The following CACNA1B variants were observed in gnomAD, a reference collection of about 807,000 sequenced individuals.
The protein encoded by CACNA1B is calcium voltage-gated channel subunit alpha1 B.
Under a neutral mutation model 247.2 loss-of-function variants are expected in CACNA1B, and 70 were observed. The observed-to-expected ratio is 0.28, with a 90% CI of 0.23 to 0.35. The LOEUF (loss-of-function observed/expected upper bound fraction) is 0.35. Ranked by LOEUF, CACNA1B falls within the 10% of genes least tolerant of loss-of-function variation. The probability of loss-of-function intolerance (pLI) is 1.00; values close to 1 mark genes in which losing one functional copy is unlikely to be tolerated. For synonymous variants in CACNA1B, 1,231 were observed against 1,294.4 expected (o/e 0.95, Z 1.05); for missense variants, 2,367 against 3,197.4 (o/e 0.74, Z 6.26).
chr9:138,104,390 G>T (rs938801050), intron 38 of CACNA1B, among the ~76,000 whole-genome samples: 1 of 152,138 alleles, frequency 6.6e-6, no homozygotes, highest in Non-Finnish European at 1.5e-5. Flanking sequence ...GCCCCCCAAC[G>T]CCTGCCCTGT....
chr9:138,017,074 T>C, intron 18 of CACNA1B: 1 of 507,986 alleles, frequency 2.0e-6, no homozygotes, highest in Non-Finnish European at 3.9e-6. Flanking sequence ...TCAGTGTCAC[T>C]GGTTCTCTCA....
chr9:138,062,767 G>A (rs1959772755), intron 31 of CACNA1B, among the ~76,000 whole-genome samples: 1 of 152,222 alleles, frequency 6.6e-6, no homozygotes, highest in African/African-American at 2.4e-5. Context: ...GGGGTTGCTG[G>A]GTTTTGTGGC....
Position 138,010,326 on chromosome 9 carries a change from G to A in CACNA1B, c.2160+249G>A, listed in dbSNP as rs999686189. Among the ~76,000 whole-genome samples, 1 of 152,194 alleles carries A rather than the reference G, an allele frequency of 6.6e-6. No individual in the cohort carries two copies. The highest frequency in any genetic ancestry group is 6.5e-5 in the Admixed American group (1 of 15,292). On this transcript the variant is annotated intron_variant, in intron 17 of 46. Coordinates refer to ENST00000371372, the MANE Select transcript of CACNA1B (RefSeq NM_000718.4). This position sits in a 1 kb window ranked among gnomAD's most constrained non-coding sequence, Gnocchi z 5.3. ...CAGCACAGGGAAGAATGGCCTGAAC[G>A]GCAGGGTGTGCTGGGAGCAGGAGGG...
intron 20 of CACNA1B, among the ~76,000 whole-genome samples, chr9:138,029,459 A>G (rs937638467): frequency 6.6e-5 from 10 of 151,924 alleles, no homozygotes; most frequent in African/African-American, 2.4e-4. Flanking sequence ...GGTAAATTAT[A>G]TTTTCCTTAG....
intron 40 of CACNA1B, among the ~76,000 whole-genome samples, chr9:138,113,983 C>T (rs1390950914): frequency 4.1e-5 from 6 of 145,752 alleles, no homozygotes; most frequent in Non-Finnish European, 9.0e-5. Context: ...TTGTGGGAGA[C>T]GTGAGGGAGC....
At chr9:137,961,818 T>C (rs1162750455) in intron 10 of CACNA1B, among the ~76,000 whole-genome samples, 4 of 152,222 alleles carry the variant, frequency 2.6e-5, no homozygotes, top group Non-Finnish European at 5.9e-5. Context: ...TCAATGTTCA[T>C]CTAGGATATT....
In CACNA1B at chr9:137,972,288, A is replaced by G. The variant is rs968702369; in HGVS notation, c.1543+696A>G. On this transcript the variant is annotated intron_variant, in intron 11 of 46. Coordinates refer to ENST00000371372, the MANE Select transcript of CACNA1B (RefSeq NM_000718.4). ...AAACAGGATCAAAACCAAAGAGTCC[A>G]CCCATGTTTTATGTCCTTTCAGGTA... is the stretch of plus-strand genomic sequence containing the variant. Among the ~76,000 whole-genome samples, 6 of 150,372 alleles carry G rather than the reference A, an allele frequency of 4.0e-5. No individual in the cohort carries two copies. The South Asian group carries it at 1.3e-3, about 31-fold the overall frequency.
intron 6 of CACNA1B, among the ~76,000 whole-genome samples, chr9:137,935,107 T>C (rs988162180): frequency 6.6e-6 from 1 of 152,092 alleles, no homozygotes; most frequent in Non-Finnish European, 1.5e-5. Context: ...ATAAATTTTC[T>C]TTTTTTTCAT....
chr9:137,989,482 T>C (rs1958406883), intron 15 of CACNA1B, among the ~76,000 whole-genome samples: 1 of 152,184 alleles, frequency 6.6e-6, no homozygotes, highest in Non-Finnish European at 1.5e-5. Context: ...TGTGCTCAGA[T>C]GATCAAGCAG....
At chr9:138,112,335 C>T (rs993548973) in intron 39 of CACNA1B, 63 bp from the exon 40 acceptor site, 35 of 1,194,860 alleles carry the variant, frequency 2.9e-5, no homozygotes, top group Non-Finnish European at 3.7e-5. Context: ...GCCCCATTGG[C>T]GGCTGCAGGG....
At chr9:137,901,686 A>ATTTTTTTTTTTTTTTTTTTTTTTTTTT (rs57624388) in intron 3 of CACNA1B, among the ~76,000 whole-genome samples, 1 of 112,396 alleles carries the variant, frequency 8.9e-6, no homozygotes, top group Non-Finnish European at 1.8e-5. Flanking sequence ...TTTTTTTGTG[A>ATTTTTTTTTTTTTTTTTTTTTTTTTTT]TTTTTTTTTT....
chr9:138,122,617 A>G lies in CACNA1B; in HGVS notation c.*618A>G, dbSNP rs1206135183. 1 of 152,458 alleles carries G rather than the reference A, an allele frequency of 6.6e-6. No individual in the cohort carries two copies. The highest frequency in any genetic ancestry group is 1.5e-5 in the Non-Finnish European group (1 of 68,180). 9.4% of individuals were successfully genotyped at this position (152,458 alleles called of 1,614,324 possible). On this transcript the variant is annotated 3_prime_UTR_variant, in exon 47 of 47. Transcript: ENST00000371372. ...AACACCTCTCATTCTTGTCACTTCT[A>G]TATACGTGATGTAGAAAAAATGGAA...
intron 21 of CACNA1B, 124 bp from the exon 22 acceptor site, chr9:138,046,780 C>T: frequency 1.1e-6 from 1 of 887,310 alleles, no homozygotes; most frequent in Non-Finnish European, 1.7e-6. Context: ...AAGCGAAGCT[C>T]TGGGGCCACA....
At chr9:137,921,197 G>A (rs1159865309) in intron 6 of CACNA1B, among the ~76,000 whole-genome samples, 1 of 152,256 alleles carries the variant, frequency 6.6e-6, no homozygotes, top group Non-Finnish European at 1.5e-5. Context: ...CAGTAGGAAA[G>A]CAGGAGCCAC....
rs143248798 is a variant in CACNA1B at position 138,006,667 on chromosome 9, C to T, written c.1975-100C>T. 2,471 of 697,444 alleles carry T rather than the reference C, an allele frequency of 3.5e-3. 43 individuals carry two copies. The African/African-American group carries it at 0.039, about 11-fold the overall frequency. The allele number at this position is 697,444 out of a possible 1,614,324, so 43.2% of individuals were successfully genotyped here. ...GTGCATGTGTGGACGTGGCAGTGCG[C>T]GTGGACGTGGCGGTGCACATGCACT... On this transcript the variant is annotated intron_variant, in intron 15 of 46. Coordinates refer to ENST00000371372, the MANE Select transcript of CACNA1B (RefSeq NM_000718.4).
chr9:138,028,668 G>A (rs532311574), intron 20 of CACNA1B, among the ~76,000 whole-genome samples: 6 of 152,338 alleles, frequency 3.9e-5, no homozygotes, highest in Admixed American at 1.3e-4. Context: ...CTTGTAAAAT[G>A]AAGGCGCATT....
rs1957861589 is a variant in CACNA1B, at chr9:137,950,060, T to A, written c.967-2214T>A. Among the ~76,000 whole-genome samples the A allele has an allele frequency of 6.6e-6, 1 of 152,210 alleles. No homozygotes were observed. The highest frequency in any genetic ancestry group is 2.4e-5 in the African/African-American group (1 of 41,460). The stretch of plus-strand genomic sequence containing the variant: ...TCAGTTAAGCATTCTGCGTTGGCTG[T>A]CAGGGAAGGAGGAGGGCTGCTGTCT... On this transcript the variant is annotated intron_variant, in intron 6 of 46. Transcript: ENST00000371372. The surrounding 1 kb of genome is among the most constrained non-coding windows in gnomAD (Gnocchi z 4.8).
At chr9:137,972,726 A>C (rs1333388762) in intron 11 of CACNA1B, among the ~76,000 whole-genome samples, 2 of 152,090 alleles carry the variant, frequency 1.3e-5, no homozygotes, top group African/African-American at 4.8e-5. Flanking sequence ...GTTGGGGTGG[A>C]ACTCTGGGCT....
At chr9:137,984,060 G>A (rs1015166691) in intron 12 of CACNA1B, 78 bp from the exon 13 acceptor site, 14 of 1,059,640 alleles carry the variant, frequency 1.3e-5, no homozygotes, top group African/African-American at 3.1e-5. Context: ...GTGCAGCCAC[G>A]CAGGGTGTGC....
Sources: gnomAD v4.1 joint callset for allele counts (sites outside exome capture counted in the v4.1 genomes callset) on GRCh38, gnomAD v4.1.1 for gene constraint, Gnocchi (gnomAD v3.1) non-coding constraint, MANE v1.5 for transcripts, NCBI Gene and HGNC (gene_info 2026-07-23, HGNC 2026-07-21) for gene names.